Variants in SRGAP3 observed in about 807,000 individuals in gnomAD.
SRGAP3 encodes the protein SLIT-ROBO Rho GTPase activating protein 3.
Under a neutral mutation model 121.1 loss-of-function variants are expected in SRGAP3, and 39 were observed. That is an observed-to-expected ratio of 0.32 (90% CI 0.25 to 0.42). SRGAP3 has a LOEUF of 0.42. Among genes scored for constraint, SRGAP3 ranks in the 10% least tolerant of loss-of-function variants. The probability of loss-of-function intolerance (pLI) is 1.00; values close to 1 mark genes in which losing one functional copy is unlikely to be tolerated. For synonymous variants in SRGAP3, 601 were observed against 570.0 expected (o/e 1.05, Z -0.77); for missense variants, 1,213 against 1,470.6 (o/e 0.82, Z 2.86).
At position 9,216,214 on chromosome 3, in the gene SRGAP3, T is replaced by G. The variant is rs190417032; in HGVS notation, c.67+32671A>C. ...CCTCTTCTGTGCTTCATCTTCTTAC[T>G]TCCACAGACCCTTCTAGAACACTCA... On this transcript the variant is annotated intron_variant, in intron 1 of 21. Transcript: ENST00000383836. Among the ~76,000 whole-genome samples, 4 of 152,340 alleles carry G rather than the reference T, an allele frequency of 2.6e-5. No homozygotes were observed. In the East Asian group the frequency reaches 7.7e-4, roughly 29 times the overall value.
chr3:9,335,791 G>A (rs1009992572), intron 1 of SRGAP3, among the ~76,000 whole-genome samples: 3 of 152,154 alleles, frequency 2.0e-5, no homozygotes, highest in Non-Finnish European at 4.4e-5. Flanking sequence ...TCAATGCCAA[G>A]GTACCAGCCA....
chr3:9,155,938 C>T (rs1950401661), intron 1 of SRGAP3, among the ~76,000 whole-genome samples: 1 of 152,184 alleles, frequency 6.6e-6, no homozygotes, highest in South Asian at 2.1e-4. Context: ...GCCTCAGCCT[C>T]CCGAGTAGCT....
At chr3:9,076,347 T>C (rs147128004) in intron 4 of SRGAP3, among the ~76,000 whole-genome samples, 191 of 152,204 alleles carry the variant, frequency 1.3e-3, no homozygotes, top group African/African-American at 4.3e-3. Context: ...AATGTAAGAG[T>C]GTTAATTAAA....
chr3:9,173,176 C>T (rs1951050826), intron 1 of SRGAP3, among the ~76,000 whole-genome samples: 2 of 152,212 alleles, frequency 1.3e-5, no homozygotes, highest in South Asian at 4.1e-4. Flanking sequence ...GCTTCAGCGG[C>T]AACAGGGCAG....
chr3:9,089,788 T>TCTGA (rs1947667330), intron 3 of SRGAP3, among the ~76,000 whole-genome samples: 1 of 152,178 alleles, frequency 6.6e-6, no homozygotes, highest in Admixed American at 6.6e-5. Context: ...AGGGGCAGGG[T>TCTGA]CTGACCAGGC....
intron 18 of SRGAP3, among the ~76,000 whole-genome samples, chr3:9,001,114 T>A (rs1942735298): frequency 6.6e-6 from 1 of 152,248 alleles, no homozygotes; most frequent in Non-Finnish European, 1.5e-5. Context: ...GAGCAATTGC[T>A]CAACAGGTAC....
At chr3:9,266,397 C>T (rs1475938467) in intron 3 of SRGAP3, among the ~76,000 whole-genome samples, 1 of 151,976 alleles carries the variant, frequency 6.6e-6, no homozygotes, top group Non-Finnish European at 1.5e-5. Context: ...ATCTAAATAG[C>T]CACATGTGGC....
At position 8,990,664 on chromosome 3, in the gene SRGAP3, G is replaced by C. The variant is rs201777874; in HGVS notation, c.2734C>G (p.Arg912Gly). Residue 912 changes from arginine (R) to glycine (G), a missense_variant, in exon 21 of 22, where the codon CGG becomes GGG. Coordinates refer to ENST00000383836, the MANE Select transcript of SRGAP3 (RefSeq NM_014850.4). ...GCGCTCCCGAACGTCGCCATCCTCC[G>C]CTTCTCAGGGCTCTCGATCCTCCCC... ...TRGRIESPEK[R>G]RMATFGSAGS... 6.2e-7 allele frequency: 1 copy of C among 1,613,642 alleles called. No homozygotes were observed. Among genetic ancestry groups the C allele is most frequent in the Admixed American group, 1.7e-5 (1 of 60,016 alleles).
intron 1 of SRGAP3, among the ~76,000 whole-genome samples, chr3:9,238,658 C>G (rs561896612): frequency 1.3e-5 from 2 of 152,210 alleles, no homozygotes; most frequent in Non-Finnish European, 2.9e-5. Context: ...AACCACCAAA[C>G]AGATTCACAG....
chr3:9,294,551 A>AG (rs1954919844), intron 3 of SRGAP3, among the ~76,000 whole-genome samples: 1 of 45,024 alleles, frequency 2.2e-5, no homozygotes. Flanking sequence ...ACAAACAAAC[A>AG]AAAAAAAACA....
intron 1 of SRGAP3, among the ~76,000 whole-genome samples, chr3:9,141,553 G>GTGTGC (rs1949847755): frequency 7.2e-6 from 1 of 138,394 alleles, no homozygotes; most frequent in Admixed American, 7.2e-5. Context: ...TGACTTCAGG[G>GTGTGC]GTGTGTGTGT....
intron 1 of SRGAP3, among the ~76,000 whole-genome samples, chr3:9,195,660 A>G (rs1277877544): frequency 6.6e-6 from 1 of 152,124 alleles, no homozygotes; most frequent in Non-Finnish European, 1.5e-5. Context: ...TCTATTTCTA[A>G]AAAACTCAAC....
rs2124871154 is a variant in SRGAP3 at position 8,981,022 on chromosome 3, G to A, written c.*4497C>T. ...AGGAACAGCTTTGTTATTGGCCGGG[G>A]ACAACTCACACAGAAAGGAGGTGTC... On this transcript the variant is annotated 3_prime_UTR_variant, in exon 22 of 22. Coordinates refer to ENST00000383836, the MANE Select transcript of SRGAP3 (RefSeq NM_014850.4). 2 of 233,260 alleles carry A rather than the reference G, an allele frequency of 8.6e-6. No homozygotes were observed. The highest frequency in any genetic ancestry group is 1.2e-4 in the East Asian group (2 of 16,530). 14.4% of individuals were successfully genotyped at this position (233,260 alleles called of 1,614,324 possible). A position where few individuals can be genotyped will look rare whatever the true frequency, so the allele number is the denominator to read the frequency against.
intron 2 of SRGAP3, among the ~76,000 whole-genome samples, chr3:9,327,639 C>T (rs1955541220): frequency 6.6e-6 from 1 of 152,224 alleles, no homozygotes; most frequent in African/African-American, 2.4e-5. Context: ...TAAGGTCTGA[C>T]TCTTTCCAGC....
chr3:9,267,785 C>T (rs1310378811), intron 3 of SRGAP3, among the ~76,000 whole-genome samples: 1 of 152,158 alleles, frequency 6.6e-6, no homozygotes, highest in Non-Finnish European at 1.5e-5. Flanking sequence ...AGCCAAGCTT[C>T]TGAGTATCAG....
intron 10 of SRGAP3, among the ~76,000 whole-genome samples, chr3:9,038,856 CCAA>C (rs1274242171): frequency 2.0e-5 from 3 of 152,194 alleles, no homozygotes; most frequent in Non-Finnish European, 4.4e-5. Context: ...TGGACCATTT[CCAA>C]CAGCATATCA....
chr3:9,313,760 C>T (rs1190448436), intron 3 of SRGAP3, among the ~76,000 whole-genome samples: 2 of 150,360 alleles, frequency 1.3e-5, no homozygotes, highest in Non-Finnish European at 3.0e-5. Flanking sequence ...TCTGGGAGGC[C>T]GAGATGGACA....
chr3:9,348,704 G>A (rs1260585851), intron 1 of SRGAP3: 1 of 1,188,986 alleles, frequency 8.4e-7, no homozygotes, highest in East Asian at 2.3e-5. Flanking sequence ...GTGCCTCAAT[G>A]AGCAGCACTC....
intron 3 of SRGAP3, among the ~76,000 whole-genome samples, chr3:9,299,869 C>T (rs1431432891): frequency 1.3e-5 from 2 of 152,068 alleles, no homozygotes; most frequent in Non-Finnish European, 2.9e-5. Context: ...CACACCAGTG[C>T]ACTCTAGCCT....
Sources: allele counts gnomAD v4.1 joint callset (sites outside exome capture counted in the v4.1 genomes callset), GRCh38; gene constraint gnomAD v4.1.1; transcripts MANE v1.5; gene names NCBI Gene and HGNC (gene_info 2026-07-23, HGNC 2026-07-21).